Variants in GALNT2 observed in about 807,000 individuals in gnomAD.
The protein encoded by GALNT2 is UDP-GalNAc:polypeptide N-acetylgalactosaminyltransferase 2.
Under a neutral mutation model 81.4 loss-of-function variants are expected in GALNT2, and 31 were observed. The ratio of observed to expected loss-of-function variants is 0.38; its 90% CI spans 0.29 to 0.51. GALNT2 has a LOEUF of 0.51. Ranked by LOEUF, GALNT2 falls within the 20% of genes least tolerant of loss-of-function variation. The pLI is 0.87. For missense variants in GALNT2, 629 were observed against 765.7 expected (o/e 0.82, Z 2.11); for synonymous variants, 303 against 287.4 (o/e 1.05, Z -0.55).
chr1:230,164,995 T>G (rs1189870760), intron 1 of GALNT2, among the ~76,000 whole-genome samples: 2 of 152,212 alleles, frequency 1.3e-5, no homozygotes, highest in African/African-American at 2.4e-5. Context: ...GGGCAGCATT[T>G]GGAACCACTG....
chr1:230,178,672 G>A (rs1031171175), intron 2 of GALNT2, among the ~76,000 whole-genome samples: 3 of 151,988 alleles, frequency 2.0e-5, no homozygotes, highest in Non-Finnish European at 4.4e-5. Flanking sequence ...TATACCTCCT[G>A]CACCCCCACC....
In GALNT2 at chr1:230,233,639, AT is replaced by A. The variant is rs923773382; in HGVS notation, c.375-2366del. Among the ~76,000 whole-genome samples, 10 of 151,568 alleles carry A rather than the reference AT, an allele frequency of 6.6e-5. No homozygotes were observed. The South Asian group carries it at 8.3e-4, about 13-fold the overall frequency. On this transcript the variant is annotated intron_variant, in intron 3 of 15. Transcript: ENST00000366672. ...AAAAGAAAAAAAAACCTACAGAATA[AT>A]TTTTTTTTAATGTATTGGTCCCCTG... is the stretch of plus-strand genomic sequence containing the variant.
intron 1 of GALNT2, among the ~76,000 whole-genome samples, chr1:230,163,425 T>A (rs778365960): frequency 4.7e-4 from 71 of 152,358 alleles, no homozygotes; most frequent in Admixed American, 4.1e-3. Flanking sequence ...TCTCTCATGC[T>A]TTAGCGTTTC....
At chr1:230,259,903 TG>T (rs1426476372) in intron 11 of GALNT2, 2 of 152,234 alleles carry the variant, frequency 1.3e-5, no homozygotes, top group African/African-American at 2.4e-5. Flanking sequence ...AAAGAGGGTT[TG>T]TTTGGGGAAA....
At chr1:230,071,875 A>C (rs989104379) in intron 1 of GALNT2, among the ~76,000 whole-genome samples, 22 of 152,224 alleles carry the variant, frequency 1.4e-4, no homozygotes, top group African/African-American at 5.3e-4. Context: ...GTCAGCAAAC[A>C]TAATGGAAAC....
chr1:230,246,003 G>A, intron 7 of GALNT2, 60 bp from the exon 8 acceptor site: 1 of 1,388,714 alleles, frequency 7.2e-7, no homozygotes, highest in African/African-American at 1.4e-5. Flanking sequence ...GCCTTCTGTG[G>A]TTGGGCAGGT....
upstream of GALNT2, among the ~76,000 whole-genome samples, chr1:230,065,555 T>C (rs1659153648): frequency 2.0e-5 from 3 of 152,210 alleles, no homozygotes; most frequent in Admixed American, 2.0e-4. Context: ...TATGATTTAT[T>C]TTTTATCATC....
chr1:230,112,869 G>A (rs1003666778), intron 1 of GALNT2, among the ~76,000 whole-genome samples: 2 of 152,138 alleles, frequency 1.3e-5, no homozygotes, highest in African/African-American at 2.4e-5. Flanking sequence ...CTTATACCAA[G>A]CAAGCATCTT....
At chr1:230,153,097 C>T (rs976223213) in intron 1 of GALNT2, among the ~76,000 whole-genome samples, 1 of 152,078 alleles carries the variant, frequency 6.6e-6, no homozygotes, top group Non-Finnish European at 1.5e-5. Flanking sequence ...GAGGTCTTAC[C>T]GTGTTGTCCA....
chr1:230,078,621 A>G (rs780163636), intron 1 of GALNT2, among the ~76,000 whole-genome samples: 1 of 152,124 alleles, frequency 6.6e-6, no homozygotes. Flanking sequence ...GCATTCTTAC[A>G]TTGGTTGCTG....
intron 15 of GALNT2, among the ~76,000 whole-genome samples, chr1:230,276,125 GATATATAC>G (rs1572167129): frequency 6.7e-6 from 1 of 150,154 alleles, no homozygotes; most frequent in Non-Finnish European, 1.5e-5. Context: ...AGACACCACA[GATATATAC>G]ATATATATAC....
At chr1:230,062,234 C>T (rs984446679) in intron 1 of GALNT2, among the ~76,000 whole-genome samples, 1 of 152,032 alleles carries the variant, frequency 6.6e-6, no homozygotes, top group African/African-American at 2.4e-5. Flanking sequence ...ATGCTTTTCG[C>T]CATTTTTTAT....
intron 1 of GALNT2, among the ~76,000 whole-genome samples, chr1:230,082,061 C>T (rs1002562637): frequency 2.0e-5 from 3 of 152,192 alleles, no homozygotes; most frequent in Non-Finnish European, 2.9e-5. Flanking sequence ...TAGAGCAGAC[C>T]TGCAGGTCAG....
At chr1:230,074,179 A>G (rs903051454) in intron 1 of GALNT2, among the ~76,000 whole-genome samples, 4 of 152,032 alleles carry the variant, frequency 2.6e-5, no homozygotes, top group Non-Finnish European at 5.9e-5. Flanking sequence ...TGTAGCCTCA[A>G]ACTCCTGGGC....
chr1:230,152,742 C>T (rs1489627965), intron 1 of GALNT2, among the ~76,000 whole-genome samples: 2 of 152,212 alleles, frequency 1.3e-5, no homozygotes, highest in East Asian at 1.9e-4. Flanking sequence ...TGGGACACTC[C>T]TCAGCCTGCG....
chr1:230,213,614 C>A (rs1310004370), intron 3 of GALNT2, among the ~76,000 whole-genome samples: 1 of 152,134 alleles, frequency 6.6e-6, no homozygotes, highest in Non-Finnish European at 1.5e-5. Context: ...GTATTTAGTT[C>A]TTTTACATTT....
intron 1 of GALNT2, among the ~76,000 whole-genome samples, chr1:230,072,273 T>C (rs1159333929): frequency 6.6e-6 from 1 of 151,768 alleles, no homozygotes; most frequent in Non-Finnish European, 1.5e-5. Flanking sequence ...AGATACTGAT[T>C]TTAGTGTCAA....
chr1:230,260,301 T>C (rs1313975209), intron 11 of GALNT2, among the ~76,000 whole-genome samples: 2 of 152,226 alleles, frequency 1.3e-5, no homozygotes, highest in Non-Finnish European at 2.9e-5. Context: ...GCACTGAGAC[T>C]GTTTGGTGTA....
intron 1 of GALNT2, among the ~76,000 whole-genome samples, chr1:230,121,239 C>G (rs952568654): frequency 6.6e-6 from 1 of 152,248 alleles, no homozygotes; most frequent in African/African-American, 2.4e-5. Flanking sequence ...CTGCTGTGTG[C>G]TGGCACATGC....
Sources: allele counts gnomAD v4.1 joint callset (sites outside exome capture counted in the v4.1 genomes callset), GRCh38; gene constraint gnomAD v4.1.1; transcripts MANE v1.5; gene names NCBI Gene and HGNC (gene_info 2026-07-23, HGNC 2026-07-21).